The following GLRA3 variants were observed in gnomAD, a reference collection of about 807,000 sequenced individuals.
GLRA3 encodes glycine receptor alpha 3.
In GLRA3, 44 loss-of-function variants were observed where a neutral mutation model predicts 60.4. The ratio of observed to expected loss-of-function variants is 0.73; its 90% CI spans 0.57 to 0.94. The LOEUF is 0.94. GLRA3 is among the 40% of genes least tolerant of loss of function. The pLI, the probability that GLRA3 is intolerant of heterozygous loss-of-function variation, is 0.00. For missense variants in GLRA3, 508 were observed against 564.6 expected, an observed-to-expected ratio of 0.90 and a Z score of 1.02; for synonymous variants, 223 against 192.9, an observed-to-expected ratio of 1.16 and a Z score of -1.29.
At chr4:174,723,610 T>C (rs976830184) in intron 4 of GLRA3, among the ~76,000 whole-genome samples, 2 of 152,096 alleles carry the variant, frequency 1.3e-5, no homozygotes, top group African/African-American at 4.8e-5. Context: ...CCTGGTGATA[T>C]ATTTTTGCAA....
chr4:174,716,588 G>T (rs1285828423), intron 4 of GLRA3, among the ~76,000 whole-genome samples: 2 of 152,300 alleles, frequency 1.3e-5, no homozygotes, highest in East Asian at 3.9e-4. Context: ...TTGAAATTCA[G>T]TGTCTTCATG....
chr4:174,785,277 A>G (rs970288366), intron 2 of GLRA3, among the ~76,000 whole-genome samples: 4 of 152,144 alleles, frequency 2.6e-5, no homozygotes, highest in Admixed American at 6.5e-5. Flanking sequence ...CAGCAAAATC[A>G]AAGTTGCATT....
chr4:174,672,729 T>C (rs1458107129), intron 7 of GLRA3, among the ~76,000 whole-genome samples: 2 of 152,146 alleles, frequency 1.3e-5, no homozygotes, highest in Non-Finnish European at 2.9e-5. Flanking sequence ...GAAGAAATGT[T>C]GTAAACCATT....
chr4:174,791,851 G>A (rs1163407596), intron 1 of GLRA3, among the ~76,000 whole-genome samples: 1 of 152,116 alleles, frequency 6.6e-6, no homozygotes, highest in East Asian at 1.9e-4. Flanking sequence ...CCCAGAGTTT[G>A]GTGTTGTTGC....
chr4:174,826,092 C>T (rs1445790299), intron 1 of GLRA3, among the ~76,000 whole-genome samples: 3 of 152,096 alleles, frequency 2.0e-5, no homozygotes, highest in Non-Finnish European at 4.4e-5. Flanking sequence ...ACCTCAACAT[C>T]ATGATCCCAA....
chr4:174,644,172 T>C (rs940284958), intron 9 of GLRA3, 108 bp from the exon 10 acceptor site: 2 of 690,836 alleles, frequency 2.9e-6, no homozygotes, highest in Non-Finnish European at 5.0e-6. Flanking sequence ...TACATTAATA[T>C]AAGGAAAAGA....
intron 3 of GLRA3, among the ~76,000 whole-genome samples, chr4:174,750,279 G>A (rs1431144876): frequency 6.6e-6 from 1 of 152,132 alleles, no homozygotes; most frequent in Non-Finnish European, 1.5e-5. Context: ...GATTCTAGAT[G>A]CTGTGTATTA....
intron 2 of GLRA3, among the ~76,000 whole-genome samples, chr4:174,787,415 C>T (rs1019717154): frequency 4.6e-5 from 7 of 152,038 alleles, no homozygotes; most frequent in Admixed American, 6.6e-5. Flanking sequence ...TAGTTCTCAG[C>T]GGATTCACAG....
chr4:174,804,355 C>G (rs111543965), intron 1 of GLRA3, among the ~76,000 whole-genome samples: 21 of 152,084 alleles, frequency 1.4e-4, no homozygotes, highest in African/African-American at 5.1e-4. Flanking sequence ...GAGAGCACTA[C>G]AAGTACCTGA....
In GLRA3 at chr4:174,817,535, C is replaced by T. The variant is rs189772576; in HGVS notation, c.71+11206G>A. ...GTTCATCCCTTATTTACTTTCTTGC[C>T]GTTCAACAGCCCTCACTTCTACTAT... On this transcript the variant is annotated intron_variant, in intron 1 of 9. Coordinates refer to ENST00000274093, the MANE Select transcript of GLRA3 (RefSeq NM_006529.4). 2.3e-4 allele frequency among the ~76,000 whole-genome samples: 35 copies of T among 152,230 alleles called. No homozygotes were observed. The East Asian group carries it at 2.9e-3, about 13-fold the overall frequency.
chr4:174,795,077 C>T (rs1219594808), intron 1 of GLRA3, among the ~76,000 whole-genome samples: 1 of 150,724 alleles, frequency 6.6e-6, no homozygotes, highest in Non-Finnish European at 1.5e-5. Context: ...CAGTGCTTAA[C>T]CTTTTTAAAG....
chr4:174,820,696 C>A (rs2111395825), intron 1 of GLRA3, among the ~76,000 whole-genome samples: 1 of 152,270 alleles, frequency 6.6e-6, no homozygotes, highest in Non-Finnish European at 1.5e-5. Flanking sequence ...TTTGGGTAGT[C>A]ATTTCACTGA....
chr4:174,799,051 T>G (rs1013900146), intron 1 of GLRA3, among the ~76,000 whole-genome samples: 1 of 152,232 alleles, frequency 6.6e-6, no homozygotes, highest in Non-Finnish European at 1.5e-5. Context: ...GATTATTATT[T>G]TGAAGTGATC....
At chr4:174,663,104 C>T (rs563710591) in intron 7 of GLRA3, among the ~76,000 whole-genome samples, 54 of 152,140 alleles carry the variant, frequency 3.5e-4, no homozygotes, top group African/African-American at 1.1e-3. Context: ...TCTTGACACT[C>T]GGAAGGGTGT....
chr4:174,673,861 G>A (rs578046620), intron 7 of GLRA3, among the ~76,000 whole-genome samples: 1 of 152,194 alleles, frequency 6.6e-6, no homozygotes, highest in South Asian at 2.1e-4. Context: ...TTCCCTATTA[G>A]TAACTATCAT....
At chr4:174,689,674 A>C (rs1168271105) in intron 5 of GLRA3, among the ~76,000 whole-genome samples, 1 of 148,498 alleles carries the variant, frequency 6.7e-6, no homozygotes, top group Non-Finnish European at 1.5e-5. Flanking sequence ...ATTATTTATG[A>C]ATCTACAAAA....
rs1351877639 is a variant in GLRA3 at position 174,640,939 on chromosome 4, C to T, written c.*2847G>A. ...AACACCCTCAGCTTTCTTGAAAATA[C>T]AGTGACTCTTGAATCTATTTAAAGT... On this transcript the variant is annotated 3_prime_UTR_variant, in exon 10 of 10. Coordinates refer to ENST00000274093, the MANE Select transcript of GLRA3 (RefSeq NM_006529.4). 2 of 151,984 alleles carry T rather than the reference C, an allele frequency of 1.3e-5. No individual in the cohort carries two copies. The highest frequency in any genetic ancestry group is 2.4e-5 in the African/African-American group (1 of 41,412). 9.4% of individuals were successfully genotyped at this position (151,984 alleles called of 1,614,324 possible).
chr4:174,780,351 G>A (rs1358317941), intron 2 of GLRA3, among the ~76,000 whole-genome samples: 7 of 151,214 alleles, frequency 4.6e-5, no homozygotes, highest in East Asian at 1.9e-4. Context: ...ACCAGCTGCT[G>A]CAAAATCATG....
At chr4:174,719,124 C>T (rs560844556) in intron 4 of GLRA3, among the ~76,000 whole-genome samples, 10 of 151,688 alleles carry the variant, frequency 6.6e-5, no homozygotes, top group African/African-American at 9.7e-5. Context: ...CCACCTCGCC[C>T]GGCTAATTTT....
Sources: gnomAD v4.1 joint callset for allele counts (sites outside exome capture counted in the v4.1 genomes callset) on GRCh38, gnomAD v4.1.1 for gene constraint, MANE v1.5 for transcripts, NCBI Gene and HGNC (gene_info 2026-07-23, HGNC 2026-07-21) for gene names.